Variants in ERLN observed in about 807,000 individuals in gnomAD.
ERLN encodes the protein small integral membrane protein 6.
At chr17:75,647,807 G>A in the ERLN span, 14 of 463,060 alleles carry the variant, frequency 3.0e-5, no homozygotes, top group Admixed American at 7.9e-5. Context: ...AGGGTTCCCC[G>A]ACCAGAACCC....
the ERLN span, chr17:75,646,833 G>C: frequency 6.5e-6 from 1 of 152,688 alleles, no homozygotes; most frequent in African/African-American, 2.4e-5. Context: ...ACCTGGCTAT[G>C]GGCTTGCAGT....
the ERLN span, chr17:75,647,382 C>A: frequency 6.5e-7 from 1 of 1,548,482 alleles, no homozygotes. Flanking sequence ...TTCTCATGGA[C>A]CAACTGGTAT....
At chr17:75,647,259 C>T in the ERLN span, 13 of 877,558 alleles carry the variant, frequency 1.5e-5, no homozygotes, top group South Asian at 9.0e-5. Context: ...CCAGGCGGGC[C>T]GGCTGCTCAC....
chr17:75,647,708 A>C, the ERLN span: 1 of 777,348 alleles, frequency 1.3e-6, no homozygotes, highest in Non-Finnish European at 2.1e-6. Flanking sequence ...AGTCTAGTAA[A>C]ATACTGTATC....
the ERLN span, chr17:75,647,380 GACCA>G: frequency 6.5e-7 from 1 of 1,548,344 alleles, no homozygotes; most frequent in Non-Finnish European, 8.7e-7. Flanking sequence ...GATTCTCATG[GACCA>G]ACTGGTATTC....
the ERLN span, chr17:75,647,490 C>T: frequency 3.2e-6 from 5 of 1,550,382 alleles, no homozygotes; most frequent in South Asian, 3.6e-5. Flanking sequence ...TCCTGCTTCT[C>T]ATCTTATTTG....
At chr17:75,647,908 C>A in the ERLN span, 1 of 231,646 alleles carries the variant, frequency 4.3e-6, no homozygotes, top group Non-Finnish European at 9.0e-6. Context: ...GCCCAGCCAG[C>A]AATTTCACAA....
At chr17:75,647,334 G>C in the ERLN span, 1 of 1,503,624 alleles carries the variant, frequency 6.7e-7, no homozygotes, top group South Asian at 1.3e-5. Flanking sequence ...GCCTGGGAGG[G>C]CTGCCTGCAC....
At chr17:75,647,931 G>A in the ERLN span, 3 of 206,474 alleles carry the variant, frequency 1.5e-5, no homozygotes, top group African/African-American at 7.0e-5. Flanking sequence ...CCTTGACAGA[G>A]AAAGACACAA....
At chr17:75,647,372 T>C in the ERLN span, 1 of 1,545,880 alleles carries the variant, frequency 6.5e-7, no homozygotes, top group Non-Finnish European at 8.7e-7. Context: ...CTTTTCCAGA[T>C]TCTCATGGAC....
At chr17:75,647,226 A>G in the ERLN span, 1 of 641,484 alleles carries the variant, frequency 1.6e-6, no homozygotes. Context: ...CAAAGACTCT[A>G]GCCCTTTCAT....
the ERLN span, chr17:75,647,675 G>A: frequency 1.1e-5 from 12 of 1,057,944 alleles, no homozygotes; most frequent in Non-Finnish European, 1.5e-5. Context: ...AAGCCCTGGT[G>A]TCTTCCTTTC....
the ERLN span, chr17:75,647,512 G>C: frequency 1.3e-6 from 2 of 1,550,390 alleles, no homozygotes; most frequent in South Asian, 2.4e-5. Context: ...CATCGTGTTT[G>C]GTTTACTCAC....
At chr17:75,647,230 C>T in the ERLN span, 1 of 662,392 alleles carries the variant, frequency 1.5e-6, no homozygotes, top group South Asian at 2.0e-5. Context: ...GACTCTAGCC[C>T]TTTCATGTCC....
chr17:75,647,355 T>C, the ERLN span: 1 of 1,538,188 alleles, frequency 6.5e-7, no homozygotes, highest in East Asian at 2.4e-5. Flanking sequence ...TCAGGTCCTC[T>C]GTCCCTCTTT....
the ERLN span, chr17:75,647,569 G>C: frequency 6.5e-7 from 1 of 1,549,806 alleles, no homozygotes; most frequent in Non-Finnish European, 8.7e-7. Context: ...GGAGTGACCT[G>C]ACTTGCTGGG....
At chr17:75,646,979 G>A in the ERLN span, among the ~76,000 whole-genome samples, 1 of 152,300 alleles carries the variant, frequency 6.6e-6, no homozygotes. Context: ...CCAAATGTTT[G>A]GCAGTTGGGG....
chr17:75,647,475 C>A, the ERLN span: 1 of 1,550,276 alleles, frequency 6.5e-7, no homozygotes, highest in Non-Finnish European at 8.7e-7. Flanking sequence ...TATTCATCAC[C>A]GCTGTCCTGC....
chr17:75,647,502 C>T, the ERLN span: 59 of 1,550,270 alleles, frequency 3.8e-5, no homozygotes, highest in Non-Finnish European at 4.9e-5. Context: ...TCTTATTTGC[C>T]ATCGTGTTTG....
Sources: allele counts gnomAD v4.1 joint callset (sites outside exome capture counted in the v4.1 genomes callset), GRCh38; gene constraint gnomAD v4.1.1; transcripts MANE v1.5; gene names NCBI Gene and HGNC (gene_info 2026-07-23, HGNC 2026-07-21).